Variants in TRIM36 observed in about 807,000 individuals in gnomAD.
The protein encoded by TRIM36 is tripartite motif containing 36, also known as E3 ubiquitin-protein ligase TRIM36.
TRIM36 carries 42 observed loss-of-function variants against 72.4 expected under a neutral mutation model. The ratio of observed to expected loss-of-function variants is 0.58; its 90% confidence interval spans 0.45 to 0.75. The LOEUF is 0.75. TRIM36 is among the 30% of genes least tolerant of loss of function. The probability of loss-of-function intolerance (pLI) is 0.00; values close to 1 mark genes in which losing one functional copy is unlikely to be tolerated. For missense variants in TRIM36, 913 were observed against 857.1 expected, an observed-to-expected ratio of 1.07 and a Z score of -0.81; for synonymous variants, 315 against 282.8, an observed-to-expected ratio of 1.11 and a Z score of -1.14.
At position 115,144,712 on chromosome 5, in the gene TRIM36, T is replaced by A. The variant is rs1365312434; in HGVS notation, c.621A>T (p.Arg207Ser). ...TACATAATTCACAGTACATGTTTAT[T>A]CTCTCTGTTTCATGTTCTGGGCACA... The part of the protein sequence containing the change: ...ILMCPEHETE[R>S]INMYCELCRR... The change falls in exon 4 of 10, where the codon AGA (arginine) becomes AGT (serine). Residue 207 changes from arginine (R) to serine (S), a missense_variant. Transcript: ENST00000513154. 1 of 1,614,032 alleles carries A rather than the reference T, an allele frequency of 6.2e-7. No homozygotes were observed.
chr5:115,151,397 G>A (rs1753885905), intron 2 of TRIM36, among the ~76,000 whole-genome samples: 3 of 152,074 alleles, frequency 2.0e-5, no homozygotes, highest in African/African-American at 7.2e-5. Flanking sequence ...GAGAGTCTGA[G>A]CTCAGACACG....
At chr5:115,138,513 T>C (rs1166441131) in intron 5 of TRIM36, among the ~76,000 whole-genome samples, 2 of 152,236 alleles carry the variant, frequency 1.3e-5, no homozygotes, top group African/African-American at 2.4e-5. Flanking sequence ...CTTAGCTGTG[T>C]GACCATATGC....
chr5:115,167,532 C>A (rs1754852883), intron 1 of TRIM36, among the ~76,000 whole-genome samples: 1 of 152,216 alleles, frequency 6.6e-6, no homozygotes, highest in African/African-American at 2.4e-5. Flanking sequence ...CAAAACACTG[C>A]CAGTCTCTTT....
At chr5:115,146,660 G>C (rs1340866741) in intron 3 of TRIM36, among the ~76,000 whole-genome samples, 1 of 152,060 alleles carries the variant, frequency 6.6e-6, no homozygotes, top group Non-Finnish European at 1.5e-5. Context: ...TACAATTTTA[G>C]CCAAATGCAA....
intron 5 of TRIM36, among the ~76,000 whole-genome samples, chr5:115,138,356 C>T (rs1008237886): frequency 1.3e-5 from 2 of 152,138 alleles, no homozygotes; most frequent in Non-Finnish European, 2.9e-5. Flanking sequence ...GCCTCGGCCT[C>T]CCAAAGTGTT....
At chr5:115,151,878 A>G (rs1055396070) in intron 2 of TRIM36, among the ~76,000 whole-genome samples, 1 of 152,224 alleles carries the variant, frequency 6.6e-6, no homozygotes, top group African/African-American at 2.4e-5. Context: ...GGAACTGAAC[A>G]GCAACCTTGA....
At position 115,130,734 on chromosome 5, in the gene TRIM36, T is replaced by C. The variant is rs1752631693; in HGVS notation, c.1654A>G (p.Ile552Val). The C allele has an allele frequency of 1.9e-6, 3 of 1,614,166 alleles. No homozygotes were observed. Among genetic ancestry groups the C allele is most frequent in the Non-Finnish European group, 2.5e-6 (3 of 1,180,028 alleles). The change falls in exon 9 of 10, where the codon ATT becomes GTT. Residue 552 changes from isoleucine to valine, a missense_variant. By Grantham distance (29) the Ile-to-Val change is conservative. Coordinates refer to ENST00000513154, the MANE Select transcript of TRIM36 (RefSeq NM_001300759.2). ...CCTTTTGTAATGCCAGTATCTCCAA[T>C]GATGTAGTCTAAGCTTGTGTAATAA... is the stretch of plus-strand genomic sequence containing the variant. ...VGYYTSLDYI[I>V]GDTGITKGKH... is the part of the protein sequence containing the mutation.
At chr5:115,150,790 G>C (rs941411595) in intron 2 of TRIM36, among the ~76,000 whole-genome samples, 4 of 152,212 alleles carry the variant, frequency 2.6e-5, no homozygotes, top group Admixed American at 2.0e-4. Context: ...TGAAGACCTG[G>C]ATAACGGGAG....
rs188683469 is a variant in TRIM36, at chr5:115,179,950, C to T, written c.63+25G>A. ...GTGCCGGAGTCGGGGGCCCAGGCCG[C>T]GGCGCCCCGCGCCTCATCACTTACC... On this transcript the variant is annotated intron_variant, in intron 1 of 9. Coordinates refer to the TRIM36 transcript ENST00000282369. 1,168 of 1,612,092 alleles carry T rather than the reference C, an allele frequency of 7.2e-4. 8 individuals carry two copies. The African/African-American group carries it at 0.014, about 20-fold the overall frequency.
intron 5 of TRIM36, among the ~76,000 whole-genome samples, chr5:115,138,286 AG>A (rs1164051186): frequency 7.9e-5 from 12 of 152,118 alleles, no homozygotes; most frequent in Non-Finnish European, 1.3e-4. Flanking sequence ...TTTTTAGTAG[AG>A]ATGGGGTTTC....
At chr5:115,163,873 A>G in intron 1 of TRIM36, 121 bp from the exon 2 acceptor site, 1 of 882,616 alleles carries the variant, frequency 1.1e-6, no homozygotes, top group Non-Finnish European at 1.7e-6. Flanking sequence ...ATGATTTTCT[A>G]AATTTTAAAT....
At chr5:115,168,519 T>C (rs1352139713) in intron 1 of TRIM36, among the ~76,000 whole-genome samples, 1 of 152,222 alleles carries the variant, frequency 6.6e-6, no homozygotes, top group Admixed American at 6.5e-5. Flanking sequence ...TTAAAATGTA[T>C]GCTAACCTAT....
At chr5:115,141,773 C>T (rs978438509) in intron 4 of TRIM36, among the ~76,000 whole-genome samples, 1 of 152,060 alleles carries the variant, frequency 6.6e-6, no homozygotes, top group African/African-American at 2.4e-5. Context: ...CAAACACCCA[C>T]GTGCACACAC....
chr5:115,178,848 G>A (rs1451351360), intron 1 of TRIM36, among the ~76,000 whole-genome samples: 1 of 152,196 alleles, frequency 6.6e-6, no homozygotes, highest in East Asian at 1.9e-4. Flanking sequence ...GGACTTTTTA[G>A]GCTAAGAGTG....
intron 2 of TRIM36, among the ~76,000 whole-genome samples, chr5:115,156,743 G>C: frequency 6.6e-6 from 1 of 152,160 alleles, no homozygotes; most frequent in East Asian, 1.9e-4. Context: ...AAACCATTGT[G>C]GACTTTGGCT....
chr5:115,166,011 G>A (rs1754756980), intron 1 of TRIM36, among the ~76,000 whole-genome samples: 1 of 152,166 alleles, frequency 6.6e-6, no homozygotes, highest in South Asian at 2.1e-4. Context: ...ATGAACGTGG[G>A]AGGGAGGCCA....
At chr5:115,128,758 C>CAAAAAAAAAAAAAAAAAAAAAAAA (rs58384978) in intron 9 of TRIM36, among the ~76,000 whole-genome samples, 5 of 47,012 alleles carry the variant, frequency 1.1e-4, no homozygotes, top group Non-Finnish European at 2.1e-4. Context: ...GACTCCGTCT[C>CAAAAAAAAAAAAAAAAAAAAAAAA]AAAAAAAAAA....
At chr5:115,142,609 G>A (rs1753338016) in intron 4 of TRIM36, among the ~76,000 whole-genome samples, 2 of 152,296 alleles carry the variant, frequency 1.3e-5, no homozygotes, top group South Asian at 4.1e-4. Flanking sequence ...GTTTATCTGA[G>A]AATAGCTTTT....
At chr5:115,158,732 C>T (rs991044597) in intron 2 of TRIM36, among the ~76,000 whole-genome samples, 24 of 152,198 alleles carry the variant, frequency 1.6e-4, no homozygotes, top group African/African-American at 5.3e-4. Context: ...TTATTTCTCT[C>T]AACTACCCTC....
Sources: gnomAD v4.1 joint callset for allele counts (sites outside exome capture counted in the v4.1 genomes callset) on GRCh38, gnomAD v4.1.1 for gene constraint, MANE v1.5 for transcripts, NCBI Gene and HGNC (gene_info 2026-07-23, HGNC 2026-07-21) for gene names.